The following PLPPR1 variants were observed in gnomAD, a reference collection of about 807,000 sequenced individuals.
The protein encoded by PLPPR1 is phospholipid phosphatase related 1, also known as phospholipid phosphatase-related protein type 1.
A neutral mutation model predicts 33.1 loss-of-function variants in PLPPR1; 10 were observed. The ratio of observed to expected loss-of-function variants is 0.30; its 90% confidence interval spans 0.19 to 0.51. PLPPR1 has a LOEUF of 0.51. Ranked by LOEUF, PLPPR1 falls within the 20% of genes least tolerant of loss-of-function variation. The pLI is 0.97. For synonymous variants in PLPPR1, 151 were observed against 151.0 expected, an observed-to-expected ratio of 1.00 and a Z score of 0.00; for missense variants, 304 against 408.1, an observed-to-expected ratio of 0.74 and a Z score of 2.20.
chr9:101,269,310 T>C (rs189906349), intron 2 of PLPPR1, among the ~76,000 whole-genome samples: 3 of 152,228 alleles, frequency 2.0e-5, no homozygotes. Flanking sequence ...ATAAAAGTTA[T>C]GACTGATGTA....
intron 1 of PLPPR1, among the ~76,000 whole-genome samples, chr9:101,055,586 T>C (rs758181739): frequency 6.6e-6 from 1 of 152,234 alleles, no homozygotes; most frequent in Non-Finnish European, 1.5e-5. Context: ...TGCTCCATTA[T>C]TTATGTAATC....
intron 1 of PLPPR1, among the ~76,000 whole-genome samples, chr9:101,121,833 T>C (rs1831181277): frequency 2.0e-5 from 3 of 152,240 alleles, no homozygotes; most frequent in Admixed American, 6.5e-5. Context: ...TCCCTTGCTA[T>C]TACACTGGCT....
At position 101,271,525 on chromosome 9, in the gene PLPPR1, G is replaced by A. The variant is rs143797338; in HGVS notation, c.252+1457G>A. ...AGATATGCCCATTCCTCAGAGGAAG[G>A]GTAATCTCTGTATGTCTCTTACCAG... On this transcript the variant is annotated intron_variant, in intron 3 of 7. Transcript: ENST00000374874. Among the ~76,000 whole-genome samples the A allele has an allele frequency of 4.5e-3, 690 of 152,152 alleles. 5 individuals are homozygous for A. Among genetic ancestry groups the A allele is most frequent in the Non-Finnish European group, 8.4e-3 (570 of 67,988 alleles).
At chr9:101,045,700 T>C (rs1193701498) in intron 1 of PLPPR1, among the ~76,000 whole-genome samples, 1 of 152,208 alleles carries the variant, frequency 6.6e-6, no homozygotes, top group African/African-American at 2.4e-5. Context: ...GTGGACATAG[T>C]ATAGGATAAT....
intron 3 of PLPPR1, among the ~76,000 whole-genome samples, chr9:101,278,919 C>G (rs902819647): frequency 6.6e-6 from 1 of 152,190 alleles, no homozygotes; most frequent in South Asian, 2.1e-4. Context: ...ATGGCCTGTC[C>G]AAAATCTCTG....
intron 1 of PLPPR1, among the ~76,000 whole-genome samples, chr9:101,152,546 T>C (rs1411919278): frequency 1.3e-5 from 2 of 152,224 alleles, no homozygotes; most frequent in Admixed American, 6.5e-5. Flanking sequence ...AAAATTTAAG[T>C]CTTTAATTCA....
intron 2 of PLPPR1, among the ~76,000 whole-genome samples, chr9:101,260,898 C>T (rs904406369): frequency 2.6e-5 from 4 of 152,114 alleles, no homozygotes; most frequent in African/African-American, 9.7e-5. Flanking sequence ...ATTAAAGCAA[C>T]AATGTTTTCA....
chr9:101,119,862 C>T (rs779197634), intron 1 of PLPPR1, among the ~76,000 whole-genome samples: 6 of 152,180 alleles, frequency 3.9e-5, no homozygotes, highest in Non-Finnish European at 7.4e-5. Context: ...CCCACCCAAA[C>T]CACCCATTTC....
intron 2 of PLPPR1, among the ~76,000 whole-genome samples, chr9:101,228,019 T>C (rs570808204): frequency 1.6e-3 from 244 of 152,310 alleles, no homozygotes; most frequent in Non-Finnish European, 2.9e-3. Flanking sequence ...CTTCAGGAGA[T>C]CCACCCACCT....
intron 2 of PLPPR1, among the ~76,000 whole-genome samples, chr9:101,257,077 T>A (rs1827816695): frequency 6.6e-6 from 1 of 152,110 alleles, no homozygotes; most frequent in African/African-American, 2.4e-5. Flanking sequence ...CAAATGAGTT[T>A]AAATGACTGT....
chr9:101,114,505 C>T (rs1018491149), intron 1 of PLPPR1, among the ~76,000 whole-genome samples: 10 of 152,198 alleles, frequency 6.6e-5, no homozygotes, highest in Non-Finnish European at 1.5e-5. Flanking sequence ...CCCAAGGTCA[C>T]TCTGCAGGGA....
chr9:101,152,556 A>AGG (rs1313244036), intron 1 of PLPPR1, among the ~76,000 whole-genome samples: 1 of 152,162 alleles, frequency 6.6e-6, no homozygotes, highest in Admixed American at 6.5e-5. Context: ...TCTTTAATTC[A>AGG]TCTTGAATTA....
At chr9:101,263,888 T>C (rs1300099589) in intron 2 of PLPPR1, among the ~76,000 whole-genome samples, 2 of 152,106 alleles carry the variant, frequency 1.3e-5, no homozygotes, top group Non-Finnish European at 2.9e-5. Flanking sequence ...TCTGTCTCCT[T>C]CTCCTTTTCT....
In PLPPR1 at chr9:101,319,497, C is replaced by T. The variant is rs182549110; in HGVS notation, c.945+2001C>T. Among the ~76,000 whole-genome samples, 65 of 152,226 alleles carry T rather than the reference C, an allele frequency of 4.3e-4. No individual in the cohort carries two copies. In the South Asian group the frequency reaches 6.2e-3, roughly 15 times the overall value. Reference sequence around the variant, plus strand: ...GGGGTTGGAACAAGAAATCTACCTCCGTATCTCCATTTTAGGAAAAATATT... The same window carrying T: ...GGGGTTGGAACAAGAAATCTACCTCTGTATCTCCATTTTAGGAAAAATATT... On this transcript the variant is annotated intron_variant, in intron 7 of 7. Coordinates refer to ENST00000374874, the MANE Select transcript of PLPPR1 (RefSeq NM_207299.2).
chr9:101,285,296 G>A (rs1406686509), intron 3 of PLPPR1, among the ~76,000 whole-genome samples: 2 of 152,112 alleles, frequency 1.3e-5, no homozygotes, highest in Non-Finnish European at 2.9e-5. Flanking sequence ...TTAAGATGTA[G>A]TCCCTGCTAT....
chr9:101,071,998 TG>T (rs1830487318), intron 1 of PLPPR1, among the ~76,000 whole-genome samples: 4 of 152,110 alleles, frequency 2.6e-5, no homozygotes, highest in Admixed American at 2.6e-4. Flanking sequence ...CATTTTTGAA[TG>T]GGGGTAATAG....
At chr9:101,250,343 G>T (rs1022669670) in intron 2 of PLPPR1, among the ~76,000 whole-genome samples, 2 of 152,146 alleles carry the variant, frequency 1.3e-5, no homozygotes, top group South Asian at 4.1e-4. Context: ...CCTTTTCAAA[G>T]AGCACCCTCT....
chr9:101,317,034 C>T (rs1216216533), intron 6 of PLPPR1, among the ~76,000 whole-genome samples: 1 of 152,244 alleles, frequency 6.6e-6, no homozygotes, highest in Middle Eastern at 3.4e-3. Flanking sequence ...TCGTGCCAGA[C>T]ACATAGTGGC....
chr9:101,312,782 C>A lies in PLPPR1; in HGVS notation c.637-16C>A. The A allele has an allele frequency of 1.9e-6, 3 of 1,612,426 alleles. No homozygotes were observed. The highest frequency in any genetic ancestry group is 2.5e-6 in the Non-Finnish European group (3 of 1,179,146). ...GGCAGCTGCCTGGTCACTCCCTGGC[C>A]TCTGTCCTATTCCAGATGTATATTA... On this transcript the variant is annotated splice_polypyrimidine_tract_variant and intron_variant, in intron 5 of 7. Coordinates refer to ENST00000374874, the MANE Select transcript of PLPPR1 (RefSeq NM_207299.2).
Sources: allele counts gnomAD v4.1 joint callset (sites outside exome capture counted in the v4.1 genomes callset), GRCh38; gene constraint gnomAD v4.1.1; transcripts MANE v1.5; gene names NCBI Gene and HGNC (gene_info 2026-07-23, HGNC 2026-07-21).